Variants in CNTN5 observed in about 807,000 individuals in gnomAD.
CNTN5 encodes contactin 5.
In CNTN5, 77 loss-of-function variants were observed where a neutral mutation model predicts 129.1. The ratio of observed to expected loss-of-function variants is 0.60; its 90% CI spans 0.50 to 0.72. CNTN5 has a LOEUF of 0.72. CNTN5 is among the 30% of genes least tolerant of loss of function. The probability of loss-of-function intolerance (pLI) is 0.00; values close to 1 mark genes in which losing one functional copy is unlikely to be tolerated. For synonymous variants in CNTN5, 509 were observed against 465.6 expected (o/e 1.09, Z -1.20); for missense variants, 1,478 against 1,328.8 (o/e 1.11, Z -1.75).
At chr11:99,125,917 T>C (rs1391759836) in intron 1 of CNTN5, among the ~76,000 whole-genome samples, 1 of 152,052 alleles carries the variant, frequency 6.6e-6, no homozygotes, top group African/African-American at 2.4e-5. Context: ...AAATGAGAAA[T>C]AAAAATGAGG....
At chr11:100,339,211 G>T (rs1952105486) in intron 21 of CNTN5, among the ~76,000 whole-genome samples, 1 of 152,138 alleles carries the variant, frequency 6.6e-6, no homozygotes, top group Non-Finnish European at 1.5e-5. Context: ...AGGGCAAAGG[G>T]CTGGTGTGAC....
intron 3 of CNTN5, among the ~76,000 whole-genome samples, chr11:99,724,156 G>C (rs1943262067): frequency 6.6e-6 from 1 of 152,064 alleles, no homozygotes. Context: ...CTCCTCTTCA[G>C]TGCCTGGAGC....
At chr11:99,388,529 G>T (rs1941056007) in intron 2 of CNTN5, among the ~76,000 whole-genome samples, 1 of 151,452 alleles carries the variant, frequency 6.6e-6, no homozygotes, top group South Asian at 2.1e-4. Flanking sequence ...TTGGTTTCTA[G>T]AATGATATGC....
intron 18 of CNTN5, among the ~76,000 whole-genome samples, chr11:100,294,578 T>C (rs772233354): frequency 6.6e-6 from 1 of 151,724 alleles, no homozygotes; most frequent in Admixed American, 6.6e-5. Flanking sequence ...TCAAGACATT[T>C]ATCAGTAGTT....
At chr11:99,115,426 A>T (rs1244508123) in intron 1 of CNTN5, among the ~76,000 whole-genome samples, 2 of 152,186 alleles carry the variant, frequency 1.3e-5, no homozygotes, top group Non-Finnish European at 2.9e-5. Context: ...ATAAATTAGA[A>T]ATCAGTGTTG....
At chr11:99,149,733 T>C (rs1465733203) in intron 1 of CNTN5, among the ~76,000 whole-genome samples, 2 of 151,980 alleles carry the variant, frequency 1.3e-5, no homozygotes, top group African/African-American at 4.8e-5. Context: ...TCCTATAGGG[T>C]CACACATTTC....
Position 99,782,299 on chromosome 11 carries a change from T to G in CNTN5, c.56-37245T>G, listed in dbSNP as rs1475975912. 2.0e-5 allele frequency among the ~76,000 whole-genome samples: 3 copies of G among 146,998 alleles called. No homozygotes were observed. The East Asian group carries it at 6.0e-4, about 29-fold the overall frequency. On this transcript the variant is annotated intron_variant, in intron 3 of 24. Coordinates refer to ENST00000524871, the MANE Select transcript of CNTN5 (RefSeq NM_014361.4). The stretch of plus-strand genomic sequence containing the variant: ...TGTGAAGGACCTCTTCAAGGAGAAC[T>G]ACAAACCACTGCTCAAGGAAGTAAA...
At chr11:100,130,812 C>T (rs1946350030) in intron 13 of CNTN5, among the ~76,000 whole-genome samples, 1 of 152,040 alleles carries the variant, frequency 6.6e-6, no homozygotes, top group Admixed American at 6.6e-5. Flanking sequence ...GCATGATCCA[C>T]AGGAAGTACA....
At chr11:99,279,399 C>T (rs1863592253) in intron 1 of CNTN5, among the ~76,000 whole-genome samples, 1 of 151,844 alleles carries the variant, frequency 6.6e-6, no homozygotes, top group Admixed American at 6.6e-5. Context: ...CTATGCTGCA[C>T]TGAATTCTAA....
intron 13 of CNTN5, among the ~76,000 whole-genome samples, chr11:100,177,817 G>A (rs928387568): frequency 2.0e-5 from 3 of 152,092 alleles, no homozygotes; most frequent in Admixed American, 6.6e-5. Context: ...CCTGTGGTGT[G>A]AAGGAGATGG....
intron 8 of CNTN5, among the ~76,000 whole-genome samples, chr11:99,957,975 C>T (rs1375600863): frequency 6.6e-6 from 1 of 150,886 alleles, no homozygotes; most frequent in Non-Finnish European, 1.5e-5. Context: ...ATTATATATA[C>T]ATATATAGAT....
rs995852861 is a variant in CNTN5, at chr11:99,122,872, G to T, written c.-210+101602G>T. 3.9e-5 allele frequency among the ~76,000 whole-genome samples: 6 copies of T among 151,990 alleles called. No individual in the cohort carries two copies. In the South Asian group the frequency reaches 1.2e-3, roughly 31 times the overall value. ...TCATCCATGTTGCTGCAAAGGACAT[G>T]GTCTCTTTCTTTCTAATGGCTGTGT... On this transcript the variant is annotated intron_variant, in intron 1 of 24. Coordinates refer to ENST00000524871, the MANE Select transcript of CNTN5 (RefSeq NM_014361.4).
intron 1 of CNTN5, among the ~76,000 whole-genome samples, chr11:99,287,794 GTCTC>G (rs948331179): frequency 2.0e-5 from 3 of 151,854 alleles, no homozygotes; most frequent in Admixed American, 6.6e-5. Context: ...ACTAACTCAT[GTCTC>G]TCTAACATCT....
chr11:99,968,150 T>C (rs1001007199), intron 8 of CNTN5, among the ~76,000 whole-genome samples: 1 of 152,150 alleles, frequency 6.6e-6, no homozygotes, highest in African/African-American at 2.4e-5. Context: ...CACTACTTCC[T>C]AAGGCAACAT....
intron 4 of CNTN5, among the ~76,000 whole-genome samples, chr11:99,823,849 T>C (rs1384003880): frequency 6.6e-6 from 1 of 152,082 alleles, no homozygotes; most frequent in East Asian, 1.9e-4. Context: ...ATGCATATAT[T>C]TATATTTCTA....
At chr11:99,539,360 A>G (rs1189846684) in intron 2 of CNTN5, among the ~76,000 whole-genome samples, 1 of 152,114 alleles carries the variant, frequency 6.6e-6, no homozygotes, top group East Asian at 1.9e-4. Flanking sequence ...CTTTAAATAA[A>G]GATTAGGTCT....
chr11:99,554,678 A>G (rs1948608677), intron 2 of CNTN5, among the ~76,000 whole-genome samples: 1 of 152,132 alleles, frequency 6.6e-6, no homozygotes, highest in South Asian at 2.1e-4. Context: ...CAATTTCAAA[A>G]AAGGTCAATT....
intron 1 of CNTN5, among the ~76,000 whole-genome samples, chr11:99,130,771 A>G (rs1858894349): frequency 6.6e-6 from 1 of 152,184 alleles, no homozygotes; most frequent in Non-Finnish European, 1.5e-5. Flanking sequence ...CCATCAGACC[A>G]CAGCACAATC....
intron 3 of CNTN5, among the ~76,000 whole-genome samples, chr11:99,764,492 T>C (rs2508659): frequency 0.53 from 79,921 of 151,638 alleles, 21,570 homozygotes; most frequent in East Asian, 0.71. Context: ...CTTGGCTCAC[T>C]GCAACCTCCA....
Sources: gnomAD v4.1 joint callset for allele counts (sites outside exome capture counted in the v4.1 genomes callset) on GRCh38, gnomAD v4.1.1 for gene constraint, MANE v1.5 for transcripts, NCBI Gene and HGNC (gene_info 2026-07-23, HGNC 2026-07-21) for gene names.